Variants in TP63 observed in about 807,000 individuals in gnomAD.
The protein encoded by TP63 is tumor protein p63.
Under a neutral mutation model 82.8 loss-of-function variants are expected in TP63, and 17 were observed. The ratio of observed to expected loss-of-function variants is 0.21; its 90% CI spans 0.14 to 0.31. TP63 has a LOEUF of 0.31. TP63 is among the 10% of genes least tolerant of loss of function. TP63 has a pLI of 1.00. For synonymous variants in TP63, 330 were observed against 321.7 expected (o/e 1.03, Z -0.28); for missense variants, 648 against 895.3 (o/e 0.72, Z 3.52).
chr3:189,889,316 T>C, intron 11 of TP63, 24 bp from the exon 12 acceptor site: 1 of 1,614,132 alleles, frequency 6.2e-7, no homozygotes. Flanking sequence ...AGTAACCCTT[T>C]TTGTTCCTCC....
intron 7 of TP63, 66 bp downstream of exon 7, chr3:189,868,008 G>A (rs984369916): frequency 4.4e-5 from 58 of 1,326,168 alleles, no homozygotes; most frequent in East Asian, 7.3e-5. Context: ...AAGTGAAATC[G>A]TGGCTGCTTT....
intron 11 of TP63, 82 bp downstream of exon 11, chr3:189,886,633 C>T: frequency 6.3e-7 from 1 of 1,583,012 alleles, no homozygotes; most frequent in Non-Finnish European, 8.6e-7. Context: ...AAGGCATGTT[C>T]TTAAGCTAAA....
chr3:189,867,975 C>CA (rs750911937), intron 7 of TP63, 33 bp downstream of exon 7: 95 of 1,571,884 alleles, frequency 6.0e-5, no homozygotes, highest in Non-Finnish European at 7.8e-5. Context: ...TCATTCTACA[C>CA]AAAAAATCAC....
chr3:189,720,233 C>A (rs994900492), intron 1 of TP63, among the ~76,000 whole-genome samples: 3 of 152,136 alleles, frequency 2.0e-5, no homozygotes, highest in Admixed American at 6.6e-5. Context: ...ATACAGAAAT[C>A]AAAGAACCAG....
intron 1 of TP63, among the ~76,000 whole-genome samples, chr3:189,643,535 A>G (rs1158412424): frequency 1.3e-5 from 2 of 151,814 alleles, no homozygotes; most frequent in Admixed American, 1.3e-4. Flanking sequence ...AATTTCTGTT[A>G]CTGAAATTTG....
chr3:189,638,573 GC>G (rs1711539756), intron 1 of TP63, among the ~76,000 whole-genome samples: 1 of 152,070 alleles, frequency 6.6e-6, no homozygotes, highest in South Asian at 2.1e-4. Flanking sequence ...AATTTTGAAG[GC>G]CAAATTTAGA....
chr3:189,626,285 T>C, the TP63 span, among the ~76,000 whole-genome samples: 1,906 of 152,270 alleles, frequency 0.013, 34 homozygotes, highest in Non-Finnish European at 0.014. Flanking sequence ...GCTGCAGCTA[T>C]GTACAGAAAA....
chr3:189,603,674 A>G, the TP63 span, among the ~76,000 whole-genome samples: 3 of 51,898 alleles, frequency 5.8e-5, no homozygotes, highest in Non-Finnish European at 1.5e-4. Flanking sequence ...AAAAAAAAAA[A>G]AAGAAGCACA....
At chr3:189,686,226 TC>T (rs1440927519) in intron 1 of TP63, among the ~76,000 whole-genome samples, 5 of 137,424 alleles carry the variant, frequency 3.6e-5, no homozygotes, top group Non-Finnish European at 7.7e-5. Flanking sequence ...TTTGAGTTTG[TC>T]CCTTGAACTT....
At chr3:189,619,634 G>T in the TP63 span, among the ~76,000 whole-genome samples, 1 of 152,024 alleles carries the variant, frequency 6.6e-6, no homozygotes, top group African/African-American at 2.4e-5. Flanking sequence ...CCTCTTCAAG[G>T]TATCAGTACA....
the TP63 span, among the ~76,000 whole-genome samples, chr3:189,604,203 G>A: frequency 6.6e-6 from 1 of 152,080 alleles, no homozygotes; most frequent in Non-Finnish European, 1.5e-5. Context: ...TTAAGAAATT[G>A]TTTCACTTCT....
intron 4 of TP63, among the ~76,000 whole-genome samples, chr3:189,813,941 C>T (rs1254594288): frequency 6.6e-6 from 1 of 151,786 alleles, no homozygotes; most frequent in African/African-American, 2.4e-5. Context: ...CTTTCTTAAC[C>T]ATGCCAGCTT....
intron 1 of TP63, among the ~76,000 whole-genome samples, chr3:189,704,130 G>C (rs1026088413): frequency 6.6e-6 from 1 of 152,194 alleles, no homozygotes; most frequent in East Asian, 1.9e-4. Flanking sequence ...CTAGCCCTGC[G>C]CAATAGGCTA....
At chr3:189,633,223 G>GTT (rs199622833) in intron 1 of TP63, among the ~76,000 whole-genome samples, 27 of 151,024 alleles carry the variant, frequency 1.8e-4, no homozygotes, top group African/African-American at 6.1e-4. Flanking sequence ...AGTATTTTTG[G>GTT]TTTTTTTTTA....
At chr3:189,863,359 T>A (rs1227799751) in intron 4 of TP63, among the ~76,000 whole-genome samples, 1 of 152,148 alleles carries the variant, frequency 6.6e-6, no homozygotes, top group Non-Finnish European at 1.5e-5. Context: ...GAATGAAGGT[T>A]CTCTTCTGCT....
intron 4 of TP63, among the ~76,000 whole-genome samples, chr3:189,829,089 T>C (rs1282235282): frequency 6.6e-6 from 1 of 152,152 alleles, no homozygotes; most frequent in Non-Finnish European, 1.5e-5. Context: ...CAGATGATAT[T>C]TACTGATAAT....
At chr3:189,790,477 T>C (rs1725018271) in intron 3 of TP63, among the ~76,000 whole-genome samples, 1 of 152,068 alleles carries the variant, frequency 6.6e-6, no homozygotes, top group Admixed American at 6.6e-5. Flanking sequence ...TGCATACATG[T>C]AAATGTGTAT....
At chr3:189,883,193 A>T (rs890880633) in intron 10 of TP63, among the ~76,000 whole-genome samples, 5 of 152,104 alleles carry the variant, frequency 3.3e-5, no homozygotes, top group African/African-American at 1.2e-4. Flanking sequence ...ATTTTTTTTA[A>T]AAAAGGTTGT....
intron 3 of TP63, among the ~76,000 whole-genome samples, chr3:189,774,127 T>A (rs373088932): frequency 8.5e-4 from 129 of 152,176 alleles, no homozygotes; most frequent in African/African-American, 3.1e-3. Context: ...TTTCACCGTG[T>A]TAGCCAGGAT....
Sources: gnomAD v4.1 joint callset for allele counts (sites outside exome capture counted in the v4.1 genomes callset) on GRCh38, gnomAD v4.1.1 for gene constraint, MANE v1.5 for transcripts, NCBI Gene and HGNC (gene_info 2026-07-23, HGNC 2026-07-21) for gene names.